CCDC102B: variants seen among roughly 807,000 people sequenced by gnomAD.
CCDC102B encodes the protein coiled-coil domain-containing protein 102B.
A neutral mutation model predicts 57.4 loss-of-function variants in CCDC102B; 75 were observed. The observed-to-expected ratio is 1.31, with a 90% confidence interval of 1.08 to 1.58. The LOEUF (loss-of-function observed/expected upper bound fraction) is 1.58. Among genes scored for constraint, CCDC102B ranks in the 40% most tolerant of loss-of-function variants. The pLI, the probability that CCDC102B is intolerant of heterozygous loss-of-function variation, is 0.00. For missense variants in CCDC102B, 636 were observed against 582.6 expected, an observed-to-expected ratio of 1.09 and a Z score of -0.94; for synonymous variants, 206 against 201.9, an observed-to-expected ratio of 1.02 and a Z score of -0.17.
intron 2 of CCDC102B, among the ~76,000 whole-genome samples, chr18:68,717,324 T>C (rs933124513): frequency 2.0e-5 from 3 of 152,222 alleles, no homozygotes; most frequent in African/African-American, 7.2e-5. Context: ...AAATATACAC[T>C]GGATCACTGG....
At chr18:69,038,546 A>G (rs553751398) in intron 7 of CCDC102B, among the ~76,000 whole-genome samples, 2 of 152,090 alleles carry the variant, frequency 1.3e-5, no homozygotes, top group East Asian at 3.9e-4. Flanking sequence ...TCTTTAAAAG[A>G]TGAACTATAC....
At chr18:68,869,704 G>C (rs1191619088) in intron 4 of CCDC102B, among the ~76,000 whole-genome samples, 2 of 152,158 alleles carry the variant, frequency 1.3e-5, no homozygotes, top group Non-Finnish European at 2.9e-5. Context: ...TTCTTTTGCT[G>C]TTCAGAAGCT....
At chr18:68,734,011 C>T (rs985221345) in intron 2 of CCDC102B, among the ~76,000 whole-genome samples, 8 of 152,118 alleles carry the variant, frequency 5.3e-5, no homozygotes, top group African/African-American at 1.9e-4. Context: ...ACAGTCTACA[C>T]GTTATTTAGA....
intron 1 of CCDC102B, among the ~76,000 whole-genome samples, chr18:68,827,825 C>A (rs576931899): frequency 5.3e-4 from 80 of 151,754 alleles, no homozygotes; most frequent in African/African-American, 1.9e-3. Context: ...TGCCATCTAT[C>A]ACAAATAAAA....
chr18:69,031,356 A>C (rs1041767369), intron 7 of CCDC102B, among the ~76,000 whole-genome samples: 53 of 152,026 alleles, frequency 3.5e-4, no homozygotes, highest in African/African-American at 1.2e-3. Flanking sequence ...TAATCCAATC[A>C]TAAAACTTAC....
chr18:68,728,750 C>CA (rs1018625070), intron 2 of CCDC102B, among the ~76,000 whole-genome samples: 16 of 151,010 alleles, frequency 1.1e-4, no homozygotes, highest in African/African-American at 3.6e-4. Flanking sequence ...AAGAGTAAGA[C>CA]AAAAAAAATA....
At chr18:68,831,923 C>T (rs1472381947) in intron 1 of CCDC102B, among the ~76,000 whole-genome samples, 1 of 152,068 alleles carries the variant, frequency 6.6e-6, no homozygotes, top group Non-Finnish European at 1.5e-5. Context: ...TTTTATAATA[C>T]AATAAAGTGT....
intron 6 of CCDC102B, among the ~76,000 whole-genome samples, chr18:68,936,647 A>G (rs1283646272): frequency 6.6e-6 from 1 of 151,842 alleles, no homozygotes; most frequent in African/African-American, 2.4e-5. Flanking sequence ...TACTTCCTAA[A>G]TACCTTGTGT....
At chr18:68,962,311 C>T (rs1231586852) in intron 6 of CCDC102B, among the ~76,000 whole-genome samples, 2 of 152,054 alleles carry the variant, frequency 1.3e-5, no homozygotes, top group African/African-American at 4.8e-5. Context: ...GTCTGGTTCT[C>T]ACTTCAACCA....
At chr18:68,975,857 A>T (rs1425755607) in intron 6 of CCDC102B, among the ~76,000 whole-genome samples, 1 of 151,856 alleles carries the variant, frequency 6.6e-6, no homozygotes, top group African/African-American at 2.4e-5. Flanking sequence ...ATTTAAAAAA[A>T]AAAAAAAGCG....
At chr18:68,839,765 T>C (rs997629180) in intron 3 of CCDC102B, among the ~76,000 whole-genome samples, 3 of 152,020 alleles carry the variant, frequency 2.0e-5, no homozygotes, top group Non-Finnish European at 4.4e-5. Flanking sequence ...CCTCACAACA[T>C]TGGGGCTAGG....
chr18:69,018,386 C>T (rs957287461), intron 7 of CCDC102B, among the ~76,000 whole-genome samples: 1 of 152,160 alleles, frequency 6.6e-6, no homozygotes, highest in Non-Finnish European at 1.5e-5. Context: ...AATTTAGATT[C>T]TCACCAATAG....
chr18:69,046,350 A>G (rs1390647739), intron 7 of CCDC102B, among the ~76,000 whole-genome samples: 1 of 152,164 alleles, frequency 6.6e-6, no homozygotes, highest in Non-Finnish European at 1.5e-5. Context: ...TCTAATAATT[A>G]GGCTGAGCAT....
At chr18:68,967,861 A>T (rs1361355466) in intron 6 of CCDC102B, among the ~76,000 whole-genome samples, 1 of 152,184 alleles carries the variant, frequency 6.6e-6, no homozygotes, top group African/African-American at 2.4e-5. Context: ...CAAATTAGCC[A>T]TTAAGAGGGA....
In CCDC102B at chr18:68,840,377, C is replaced by T. The variant is rs193183943; in HGVS notation, c.827+1451C>T. ...TAAGTTCTTTACCACTTACTTTCTGCCAGAAGTTTCTCATTAGTCCCTCTG... is the reference window on the plus strand; with the variant it reads ...TAAGTTCTTTACCACTTACTTTCTGTCAGAAGTTTCTCATTAGTCCCTCTG... On this transcript the variant is annotated intron_variant, in intron 3 of 7. Coordinates refer to ENST00000360242, the MANE Select transcript of CCDC102B (RefSeq NM_024781.3). Among the ~76,000 whole-genome samples the T allele has an allele frequency of 4.2e-3, 636 of 152,206 alleles. 1 individual carries two copies. The highest frequency in any genetic ancestry group is 7.4e-3 in the Non-Finnish European group (500 of 68,006).
chr18:68,964,999 G>C (rs922688420), intron 6 of CCDC102B, among the ~76,000 whole-genome samples: 1 of 151,908 alleles, frequency 6.6e-6, no homozygotes, highest in Non-Finnish European at 1.5e-5. Context: ...TTCTCTGACT[G>C]CTTAAAAGAT....
intron 1 of CCDC102B, among the ~76,000 whole-genome samples, chr18:68,812,491 A>G (rs1422040792): frequency 1.3e-5 from 2 of 152,200 alleles, no homozygotes; most frequent in African/African-American, 2.4e-5. Flanking sequence ...GTTCACTTTA[A>G]GTAATAGAAA....
At chr18:68,940,103 A>C (rs554383635) in intron 6 of CCDC102B, among the ~76,000 whole-genome samples, 18 of 151,850 alleles carry the variant, frequency 1.2e-4, no homozygotes, top group African/African-American at 4.1e-4. Flanking sequence ...AGGGCAATAC[A>C]GAAGAAATAT....
At chr18:68,739,098 G>A (rs185755314) in intron 2 of CCDC102B, among the ~76,000 whole-genome samples, 37 of 151,686 alleles carry the variant, frequency 2.4e-4, no homozygotes, top group African/African-American at 4.4e-4. Flanking sequence ...AGGATCAAGC[G>A]ATTCTTGTGC....
Sources: allele counts gnomAD v4.1 joint callset (sites outside exome capture counted in the v4.1 genomes callset), GRCh38; gene constraint gnomAD v4.1.1; transcripts MANE v1.5; gene names NCBI Gene and HGNC (gene_info 2026-07-23, HGNC 2026-07-21).